Variants in RIPOR3 observed in about 807,000 individuals in gnomAD.
RIPOR3 encodes RIPOR family member 3, also known as family with sequence similarity 65 member C.
In RIPOR3, 95 loss-of-function variants were observed where a neutral mutation model predicts 114.3. The observed-to-expected ratio is 0.83, with a 90% CI of 0.70 to 0.99. The LOEUF is 0.99. RIPOR3 is among the 50% of genes least tolerant of loss of function. RIPOR3 has a pLI of 0.00. For missense variants in RIPOR3, 1,252 were observed against 1,266.9 expected (o/e 0.99, Z 0.18); for synonymous variants, 575 against 543.8 (o/e 1.06, Z -0.80).
intron 1 of RIPOR3, among the ~76,000 whole-genome samples, chr20:50,649,757 C>T (rs1031370538): frequency 1.3e-5 from 2 of 152,310 alleles, no homozygotes; most frequent in Middle Eastern, 3.4e-3. Context: ...TACAGGGAAG[C>T]GCTCCCTGAG....
intron 3 of RIPOR3, among the ~76,000 whole-genome samples, chr20:50,618,270 CAAAAAAAAAAAAAAA>C (rs61215608): frequency 4.5e-5 from 3 of 67,384 alleles, no homozygotes; most frequent in Non-Finnish European, 7.7e-5. Context: ...GACTCCGTCT[CAAAAAAAAAAAAAAA>C]AAAAAAAAAA....
intron 13 of RIPOR3, among the ~76,000 whole-genome samples, chr20:50,597,976 G>A (rs1303148575): frequency 6.6e-6 from 1 of 152,192 alleles, no homozygotes; most frequent in Non-Finnish European, 1.5e-5. Context: ...CTGTATCTCA[G>A]ACACCCACGG....
rs2087213298 is a variant in RIPOR3 at position 50,691,515 on chromosome 20, A to G, written c.-387T>C. 5.3e-6 allele frequency: 1 copy of G among 188,818 alleles called. No individual in the cohort carries two copies. The highest frequency in any genetic ancestry group is 1.1e-5 in the Non-Finnish European group (1 of 89,566). 11.7% of individuals were successfully genotyped at this position (188,818 alleles called of 1,614,324 possible). On this transcript the variant is annotated 5_prime_UTR_variant, in exon 1 of 22. Transcript: ENST00000327979. ...CCGCCTGCTGCTCTGGACGCGGCCG[A>G]TTGCTTGTCAGTGTCACTCCCAGCT...
At chr20:50,592,210 G>C in intron 19 of RIPOR3, 134 bp downstream of exon 19, 1 of 857,278 alleles carries the variant, frequency 1.2e-6, no homozygotes, top group South Asian at 2.4e-5. Flanking sequence ...CGTAGCCCAG[G>C]TCCCTCCATC....
chr20:50,642,024 C>T (rs571334101), intron 1 of RIPOR3, among the ~76,000 whole-genome samples: 14 of 152,302 alleles, frequency 9.2e-5, no homozygotes, highest in Non-Finnish European at 7.4e-5. Context: ...TCTGCTTCCG[C>T]AGAACCTGGC....
chr20:50,592,174 G>A (rs1486275812), intron 19 of RIPOR3, among the ~76,000 whole-genome samples, 170 bp downstream of exon 19: 1 of 152,216 alleles, frequency 6.6e-6, no homozygotes, highest in Non-Finnish European at 1.5e-5. Flanking sequence ...TTTGGAAGCA[G>A]CAAGGTGCAT....
rs2084248953 is a variant in RIPOR3, at chr20:50,618,151, C to T, written c.269+1835G>A. Among the ~76,000 whole-genome samples the T allele has an allele frequency of 2.0e-5, 3 of 152,020 alleles. No individual in the cohort carries two copies. The South Asian group carries it at 6.2e-4, about 32-fold the overall frequency. On this transcript the variant is annotated intron_variant, in intron 3 of 21. Transcript: ENST00000327979. ...GCGTGGTGGCAGATGCCTGTAGTCC[C>T]AGCTCCTCAGAAGTCTGAGGCAGGA...
chr20:50,610,925 A>G lies in RIPOR3; in HGVS notation c.373-19T>C. 6.2e-7 allele frequency: 1 copy of G among 1,614,102 alleles called. No homozygotes were observed. Among genetic ancestry groups the G allele is most frequent in the African/African-American group, 1.3e-5 (1 of 75,026 alleles). ...GCGTTTGCTTCTCCCGGAAAAAGGG[A>G]AGATGTTTGCAAAGTTGCCTGGGCC... On this transcript the variant is annotated intron_variant, in intron 5 of 21. Coordinates refer to ENST00000327979, the MANE Select transcript of RIPOR3 (RefSeq NM_001290268.2).
intron 4 of RIPOR3, among the ~76,000 whole-genome samples, chr20:50,613,456 A>C (rs1380795984): frequency 6.6e-6 from 1 of 151,996 alleles, no homozygotes; most frequent in Non-Finnish European, 1.5e-5. Flanking sequence ...CCATCCCGAA[A>C]AAAAAGAAAA....
chr20:50,624,425 C>G (rs1369459267), intron 2 of RIPOR3, among the ~76,000 whole-genome samples: 1 of 152,204 alleles, frequency 6.6e-6, no homozygotes, highest in Non-Finnish European at 1.5e-5. Context: ...GGCCCAGCCC[C>G]GCTTCCATCC....
intron 1 of RIPOR3, among the ~76,000 whole-genome samples, chr20:50,673,794 G>C (rs995236577): frequency 1.3e-5 from 2 of 152,210 alleles, no homozygotes; most frequent in African/African-American, 4.8e-5. Context: ...GCCTTCGCCA[G>C]GCCCGGCCTG....
intron 1 of RIPOR3, among the ~76,000 whole-genome samples, chr20:50,676,097 A>G (rs2123568821): frequency 6.6e-6 from 1 of 152,340 alleles, no homozygotes; most frequent in Middle Eastern, 3.4e-3. Flanking sequence ...CCACCAGGAA[A>G]CAAGAACCAG....
chr20:50,636,220 C>A (rs762983729), intron 1 of RIPOR3, among the ~76,000 whole-genome samples: 1 of 152,220 alleles, frequency 6.6e-6, no homozygotes, highest in East Asian at 1.9e-4. Context: ...ATCTCAGGAG[C>A]CTTCAGCGGA....
intron 1 of RIPOR3, among the ~76,000 whole-genome samples, chr20:50,658,941 C>G (rs539323606): frequency 6.6e-6 from 1 of 152,180 alleles, no homozygotes; most frequent in South Asian, 2.1e-4. Context: ...CAATCAAGCT[C>G]TAGGTGGCAG....
At chr20:50,670,089 G>T (rs1404366222) in intron 1 of RIPOR3, among the ~76,000 whole-genome samples, 1 of 150,922 alleles carries the variant, frequency 6.6e-6, no homozygotes, top group Non-Finnish European at 1.5e-5. Context: ...CCCGGGAGGC[G>T]GAGGTTGCAG....
intron 1 of RIPOR3, among the ~76,000 whole-genome samples, chr20:50,678,390 C>T (rs1035504860): frequency 1.3e-5 from 2 of 152,144 alleles, no homozygotes. Flanking sequence ...TCAGGGAGGG[C>T]CTACCCCCAC....
At chr20:50,669,949 G>A (rs1231292313) in intron 1 of RIPOR3, among the ~76,000 whole-genome samples, 1 of 151,862 alleles carries the variant, frequency 6.6e-6, no homozygotes, top group African/African-American at 2.4e-5. Flanking sequence ...CTGAGGTCAG[G>A]AGTTCAAGAC....
In RIPOR3 at chr20:50,634,251, G is replaced by C. The variant is rs538011996; in HGVS notation, c.4-3395C>G. ...CCCACCTCAGCTTCCCAAAGTGCTA[G>C]GATTATAGCCGTGAGCCACCGCGCC... On this transcript the variant is annotated intron_variant, in intron 1 of 21. Transcript: ENST00000327979. Among the ~76,000 whole-genome samples the C allele has an allele frequency of 1.3e-4, 20 of 152,140 alleles. No individual in the cohort carries two copies. In the East Asian group the frequency reaches 3.7e-3, roughly 28 times the overall value.
At chr20:50,603,905 G>T (rs927116460) in intron 12 of RIPOR3, among the ~76,000 whole-genome samples, 2 of 152,222 alleles carry the variant, frequency 1.3e-5, no homozygotes, top group African/African-American at 4.8e-5. Flanking sequence ...GAGAGGGCTG[G>T]GCACGGTGGC....
Sources: allele counts gnomAD v4.1 joint callset (sites outside exome capture counted in the v4.1 genomes callset), GRCh38; gene constraint gnomAD v4.1.1; transcripts MANE v1.5; gene names NCBI Gene and HGNC (gene_info 2026-07-23, HGNC 2026-07-21).